TBC1D19: variants seen among roughly 807,000 people sequenced by gnomAD.
TBC1D19 encodes TBC1 domain family, member 19.
Under a neutral mutation model 89.0 loss-of-function variants are expected in TBC1D19, and 60 were observed. The observed-to-expected ratio is 0.67, with a 90% CI of 0.55 to 0.84. The LOEUF is 0.84. TBC1D19 is among the 40% of genes least tolerant of loss of function. The probability of loss-of-function intolerance (pLI) is 0.00; values close to 1 mark genes in which losing one functional copy is unlikely to be tolerated. For missense variants in TBC1D19, 500 were observed against 610.8 expected (o/e 0.82, Z 1.91); for synonymous variants, 189 against 199.7 (o/e 0.95, Z 0.45).
chr4:26,759,611 C>G (rs1719394126), downstream of TBC1D19, among the ~76,000 whole-genome samples: 1 of 152,076 alleles, frequency 6.6e-6, no homozygotes, highest in Non-Finnish European at 1.5e-5. Flanking sequence ...TTTTGTGCCC[C>G]TCCCCATCCA....
At chr4:26,635,267 A>G (rs1743053827) in intron 4 of TBC1D19, among the ~76,000 whole-genome samples, 2 of 152,148 alleles carry the variant, frequency 1.3e-5, no homozygotes, top group Admixed American at 6.6e-5. Flanking sequence ...AGGAAATGAT[A>G]CTTAATCTGA....
At chr4:26,688,789 A>G (rs1037257816) in intron 13 of TBC1D19, among the ~76,000 whole-genome samples, 6 of 152,100 alleles carry the variant, frequency 3.9e-5, no homozygotes, top group African/African-American at 9.6e-5. Context: ...TAATGTTTCA[A>G]AATCAATTTG....
At chr4:26,635,355 A>G (rs890638056) in intron 4 of TBC1D19, among the ~76,000 whole-genome samples, 5 of 152,250 alleles carry the variant, frequency 3.3e-5, no homozygotes, top group African/African-American at 1.2e-4. Flanking sequence ...TTGTATCATT[A>G]TAATTAATGT....
At chr4:26,849,622 A>C in the TBC1D19 span, among the ~76,000 whole-genome samples, 2 of 152,256 alleles carry the variant, frequency 1.3e-5, no homozygotes, top group East Asian at 3.9e-4. Context: ...TGTCTCTTTA[A>C]TCTCAGACGC....
At chr4:26,784,282 C>T in the TBC1D19 span, among the ~76,000 whole-genome samples, 1 of 152,178 alleles carries the variant, frequency 6.6e-6, no homozygotes, top group Admixed American at 6.5e-5. Flanking sequence ...CCAGGAGATA[C>T]CCCTGGGCTT....
intron 12 of TBC1D19, among the ~76,000 whole-genome samples, chr4:26,684,795 GTAA>G (rs375312490): frequency 6.5e-4 from 99 of 152,212 alleles, no homozygotes; most frequent in African/African-American, 2.3e-3. Flanking sequence ...ATGGCCAGGG[GTAA>G]TAATAACTAT....
intron 13 of TBC1D19, among the ~76,000 whole-genome samples, chr4:26,712,504 T>G (rs537242555): frequency 1.3e-5 from 2 of 152,212 alleles, no homozygotes; most frequent in East Asian, 3.9e-4. Context: ...TTGGTTACAT[T>G]GGGCCCAGCC....
chr4:26,635,849 G>A (rs1577844587), intron 4 of TBC1D19, among the ~76,000 whole-genome samples: 1 of 152,188 alleles, frequency 6.6e-6, no homozygotes, highest in East Asian at 1.9e-4. Flanking sequence ...TACCTAAAAG[G>A]TGAATAAGAT....
intron 8 of TBC1D19, among the ~76,000 whole-genome samples, chr4:26,665,963 G>A (rs1311391120): frequency 3.9e-5 from 6 of 151,938 alleles, no homozygotes. Context: ...CTTTTATTAG[G>A]TAGGAAAAAT....
chr4:26,686,459 A>G (rs1713820564), intron 12 of TBC1D19, among the ~76,000 whole-genome samples: 1 of 151,732 alleles, frequency 6.6e-6, no homozygotes, highest in African/African-American at 2.4e-5. Context: ...CATACTTTCT[A>G]TAGTTTTCAA....
At position 26,624,381 on chromosome 4, in the gene TBC1D19, T is replaced by A. The variant is rs201075311; in HGVS notation, c.294+3693T>A. ...TTTATTATAGTAATTGCTTTTTTTT[T>A]ATTTTTATTTTTTGAGACTGAGTCT... On this transcript the variant is annotated intron_variant, in intron 4 of 20. Transcript: ENST00000264866. 8.0e-5 allele frequency among the ~76,000 whole-genome samples: 12 copies of A among 150,350 alleles called. No individual in the cohort carries two copies. The East Asian group carries it at 9.8e-4, about 12-fold the overall frequency.
At chr4:26,858,483 TG>T in the TBC1D19 span, 2 of 152,298 alleles carry the variant, frequency 1.3e-5, no homozygotes, top group African/African-American at 2.4e-5. Context: ...AAAGGAAACC[TG>T]GGGAGAAAGG....
chr4:26,653,390 G>T (rs1248009499), intron 7 of TBC1D19, among the ~76,000 whole-genome samples: 5 of 152,140 alleles, frequency 3.3e-5, no homozygotes, highest in African/African-American at 1.2e-4. Context: ...AGGTCCGCTT[G>T]GTGCAGAGCT....
intron 7 of TBC1D19, among the ~76,000 whole-genome samples, chr4:26,649,067 C>G (rs1199300701): frequency 2.0e-5 from 3 of 151,634 alleles, no homozygotes. Context: ...GTCAGTTTCC[C>G]TTGTAGTATG....
At chr4:26,840,162 A>G in the TBC1D19 span, among the ~76,000 whole-genome samples, 2 of 151,594 alleles carry the variant, frequency 1.3e-5, no homozygotes, top group African/African-American at 4.9e-5. Context: ...GCTCACTGCA[A>G]CCTCCGCCTC....
the TBC1D19 span, among the ~76,000 whole-genome samples, chr4:26,814,658 G>T: frequency 6.6e-6 from 1 of 152,108 alleles, no homozygotes; most frequent in Admixed American, 6.5e-5. Flanking sequence ...GAATCATCTG[G>T]GGCTTCATCT....
intron 12 of TBC1D19, among the ~76,000 whole-genome samples, chr4:26,687,800 T>C (rs1270555636): frequency 6.6e-6 from 1 of 152,118 alleles, no homozygotes; most frequent in Non-Finnish European, 1.5e-5. Context: ...AATAGGAATA[T>C]ATTTAAAGAA....
chr4:26,689,639 G>A (rs1714107349), intron 13 of TBC1D19, among the ~76,000 whole-genome samples: 1 of 152,032 alleles, frequency 6.6e-6, no homozygotes, highest in South Asian at 2.1e-4. Context: ...ATCTGATTTA[G>A]TAATCTGTGA....
intron 7 of TBC1D19, among the ~76,000 whole-genome samples, chr4:26,653,206 A>T (rs1219875849): frequency 6.6e-6 from 1 of 152,158 alleles, no homozygotes; most frequent in Non-Finnish European, 1.5e-5. Context: ...CCTGACTTCT[A>T]GTTTGATTGC....
Sources: gnomAD v4.1 joint callset for allele counts (sites outside exome capture counted in the v4.1 genomes callset) on GRCh38, gnomAD v4.1.1 for gene constraint, MANE v1.5 for transcripts, NCBI Gene and HGNC (gene_info 2026-07-23, HGNC 2026-07-21) for gene names.